The following WDR70 variants were observed in gnomAD, a reference collection of about 807,000 sequenced individuals.
WDR70 encodes the protein WD repeat-containing protein 70.
WDR70 carries 53 observed loss-of-function variants against 88.6 expected under a neutral mutation model. The observed-to-expected ratio is 0.60, with a 90% CI of 0.48 to 0.75. The LOEUF (loss-of-function observed/expected upper bound fraction) is 0.75, where lower values mean the gene tolerates loss of function less well. Ranked by LOEUF, WDR70 falls within the 30% of genes least tolerant of loss-of-function variation. The probability of loss-of-function intolerance (pLI) is 0.00; values close to 1 mark genes in which losing one functional copy is unlikely to be tolerated. For synonymous variants in WDR70, 280 were observed against 270.0 expected, an observed-to-expected ratio of 1.04 and a Z score of -0.36; for missense variants, 610 against 823.2, an observed-to-expected ratio of 0.74 and a Z score of 3.17.
chr5:37,588,403 A>G (rs1203850987), intron 9 of WDR70, among the ~76,000 whole-genome samples: 1 of 152,104 alleles, frequency 6.6e-6, no homozygotes, highest in Non-Finnish European at 1.5e-5. Flanking sequence ...TGTGAACTTC[A>G]TGATAGGCTA....
intron 10 of WDR70, among the ~76,000 whole-genome samples, chr5:37,615,157 A>G (rs1186575803): frequency 6.6e-6 from 1 of 152,094 alleles, no homozygotes; most frequent in Non-Finnish European, 1.5e-5. Context: ...AATAAAATAC[A>G]GTGATAGAAA....
rs59206188 is a variant in WDR70, at chr5:37,521,703, TACACACACAC to T, written c.917+5142_917+5151del. 5.5e-3 allele frequency among the ~76,000 whole-genome samples: 802 copies of T among 145,326 alleles called. 14 individuals are homozygous for T. Among genetic ancestry groups the T allele is most frequent in the East Asian group, 0.042 (209 of 4,994 alleles). ...TTGTGGCTGAGTAGTAGTCCAAGTA[TACACACACAC>T]ACACACACACACACACACACACACA... On this transcript the variant is annotated intron_variant, in intron 9 of 17. Coordinates refer to ENST00000265107, the MANE Select transcript of WDR70 (RefSeq NM_018034.4).
At chr5:37,541,459 T>A (rs1397606719) in intron 9 of WDR70, among the ~76,000 whole-genome samples, 1 of 152,248 alleles carries the variant, frequency 6.6e-6, no homozygotes, top group Non-Finnish European at 1.5e-5. Context: ...TGTGAAGTTT[T>A]ACCTCCTCAG....
Position 37,519,544 on chromosome 5 carries a change from C to T in WDR70, c.917+2954C>T, listed in dbSNP as rs556064311. On this transcript the variant is annotated intron_variant, in intron 9 of 17. Coordinates refer to ENST00000265107, the MANE Select transcript of WDR70 (RefSeq NM_018034.4). ...TCACCTCCCAGACGGGGCGGCGGGG[C>T]GGAGGCGCTCCTCACCTCCCAGACG... 3.6e-4 allele frequency among the ~76,000 whole-genome samples: 52 copies of T among 146,104 alleles called. 1 individual carries two copies. The South Asian group carries it at 0.01, about 29-fold the overall frequency.
intron 5 of WDR70, among the ~76,000 whole-genome samples, chr5:37,430,841 C>T (rs867536020): frequency 6.6e-6 from 1 of 151,588 alleles, no homozygotes; most frequent in African/African-American, 2.4e-5. Context: ...ATTACAGATG[C>T]GAGCCACCGT....
At chr5:37,651,809 G>GT (rs532428535) in intron 10 of WDR70, among the ~76,000 whole-genome samples, 1 of 151,996 alleles carries the variant, frequency 6.6e-6, no homozygotes, top group African/African-American at 2.4e-5. Context: ...GGGGTTGTTT[G>GT]TTTTTTTCTT....
At chr5:37,708,724 A>T (rs955134734) in intron 13 of WDR70, among the ~76,000 whole-genome samples, 1 of 152,136 alleles carries the variant, frequency 6.6e-6, no homozygotes, top group African/African-American at 2.4e-5. Context: ...AGCCTCCATT[A>T]TTTGTACTTA....
intron 9 of WDR70, among the ~76,000 whole-genome samples, chr5:37,564,562 A>AGAGGGAGACGGAGAG (rs1742678001): frequency 1.4e-5 from 2 of 139,244 alleles, no homozygotes; most frequent in Non-Finnish European, 3.2e-5. Context: ...GACCGTGGGG[A>AGAGGGAGACGGAGAG]GAGGGAGAGG....
chr5:37,563,088 C>T lies in WDR70; in HGVS notation c.918-41976C>T, dbSNP rs1362059095. Among the ~76,000 whole-genome samples the T allele has an allele frequency of 5.5e-5, 3 of 54,102 alleles. 1 individual carries two copies. The highest frequency in any genetic ancestry group is 4.1e-4 in the Admixed American group (2 of 4,886). 35.5% of individuals were successfully genotyped at this position (54,102 alleles called of 152,430 possible). A position where few individuals can be genotyped will look rare whatever the true frequency, so the allele number is the denominator to read the frequency against. On this transcript the variant is annotated intron_variant, in intron 9 of 17. Transcript: ENST00000265107. Reference sequence around the variant, plus strand: ...GGCCGGGCGGGGGGCTGACCCCCCCCGCCTCCCTCCCGGACGGGGCGGCTG... The same window carrying T: ...GGCCGGGCGGGGGGCTGACCCCCCCTGCCTCCCTCCCGGACGGGGCGGCTG...
intron 9 of WDR70, among the ~76,000 whole-genome samples, chr5:37,582,878 G>A (rs375164385): frequency 1.4e-3 from 206 of 152,346 alleles, no homozygotes; most frequent in Non-Finnish European, 2.3e-3. Context: ...GTCCTTGTGC[G>A]TAGCACTTCT....
chr5:37,474,168 G>T (rs1408112662), intron 7 of WDR70, among the ~76,000 whole-genome samples: 1 of 152,096 alleles, frequency 6.6e-6, no homozygotes, highest in Non-Finnish European at 1.5e-5. Context: ...ATTTGTAACA[G>T]TTCCACTAGG....
At chr5:37,557,507 A>G (rs1192559896) in intron 9 of WDR70, among the ~76,000 whole-genome samples, 2 of 152,326 alleles carry the variant, frequency 1.3e-5, no homozygotes, top group Admixed American at 1.3e-4. Context: ...ATTAACTCAT[A>G]TGACTCTCTC....
At chr5:37,581,214 A>G (rs1258765619) in intron 9 of WDR70, among the ~76,000 whole-genome samples, 1 of 138,852 alleles carries the variant, frequency 7.2e-6, no homozygotes, top group Non-Finnish European at 1.5e-5. Flanking sequence ...CAAAAAACAC[A>G]ATCAATCAAA....
chr5:37,408,409 G>T (rs1331338484), intron 5 of WDR70, among the ~76,000 whole-genome samples: 1 of 152,104 alleles, frequency 6.6e-6, no homozygotes, highest in Non-Finnish European at 1.5e-5. Context: ...GGGAGGTGGA[G>T]GTTCCAGTGA....
chr5:37,405,710 G>T (rs1403681807), intron 5 of WDR70, among the ~76,000 whole-genome samples: 1 of 152,010 alleles, frequency 6.6e-6, no homozygotes, highest in Non-Finnish European at 1.5e-5. Context: ...TAAGTCTTAA[G>T]TACTAGTAAA....
At chr5:37,578,983 T>G (rs1229776067) in intron 9 of WDR70, among the ~76,000 whole-genome samples, 2 of 152,238 alleles carry the variant, frequency 1.3e-5, no homozygotes, top group Non-Finnish European at 2.9e-5. Context: ...ATTCTGTTTC[T>G]CTAATTCCTG....
intron 9 of WDR70, among the ~76,000 whole-genome samples, chr5:37,519,168 C>T (rs1256596718): frequency 5.9e-5 from 9 of 152,208 alleles, no homozygotes; most frequent in Non-Finnish European, 8.8e-5. Context: ...AAACTGCCAT[C>T]GTCATCATGG....
chr5:37,521,856 T>C, intron 9 of WDR70, among the ~76,000 whole-genome samples: 1 of 152,200 alleles, frequency 6.6e-6, no homozygotes, highest in South Asian at 2.1e-4. Flanking sequence ...TTTTGCATAA[T>C]GACTTCTTTT....
intron 9 of WDR70, among the ~76,000 whole-genome samples, chr5:37,565,604 A>T (rs1742714626): frequency 6.6e-6 from 1 of 152,144 alleles, no homozygotes; most frequent in Non-Finnish European, 1.5e-5. Context: ...GATGTGTGAA[A>T]TTACTTATGT....
Sources: allele counts gnomAD v4.1 joint callset (sites outside exome capture counted in the v4.1 genomes callset), GRCh38; gene constraint gnomAD v4.1.1; transcripts MANE v1.5; gene names NCBI Gene and HGNC (gene_info 2026-07-23, HGNC 2026-07-21).